The following TDRP variants were observed in gnomAD, a reference collection of about 807,000 sequenced individuals.
The protein encoded by TDRP is testis development related protein.
Under a neutral mutation model 10.5 loss-of-function variants are expected in TDRP, and 12 were observed. That is an observed-to-expected ratio of 1.15 (90% CI 0.73 to 1.86). The LOEUF (loss-of-function observed/expected upper bound fraction) is 1.86. TDRP is among the 40% of genes most tolerant of loss of function. The pLI is 0.00. For missense variants in TDRP, 353 were observed against 229.2 expected (o/e 1.54, Z -3.49); for synonymous variants, 139 against 95.4 (o/e 1.46, Z -2.67).
At chr8:493,756 C>G (rs1801047170) in intron 2 of TDRP, among the ~76,000 whole-genome samples, 2 of 148,320 alleles carry the variant, frequency 1.3e-5, no homozygotes, top group Admixed American at 1.4e-4. Flanking sequence ...GTATTTTTAA[C>G]AGTGTTTTTT....
At chr8:512,530 A>G (rs1452320636) in intron 1 of TDRP, among the ~76,000 whole-genome samples, 1 of 152,154 alleles carries the variant, frequency 6.6e-6, no homozygotes, top group Non-Finnish European at 1.5e-5. Context: ...AAGAGGAGAC[A>G]TTTCTATTGA....
rs1182285967 is a variant in TDRP at position 491,390 on chromosome 8, C to T, written c.*1009G>A. On this transcript the variant is annotated 3_prime_UTR_variant, in exon 3 of 3. Coordinates refer to ENST00000324079, the MANE Select transcript of TDRP (RefSeq NM_001384899.1). ...AGGGACGCATAACTGGCACCTGATA[C>T]TGTGCAGGATCACATTGTCAAGGAC... 3 of 395,490 alleles carry T rather than the reference C, an allele frequency of 7.6e-6. No homozygotes were observed. The highest frequency in any genetic ancestry group is 6.2e-5 in the African/African-American group (3 of 48,522). The allele number at this position is 395,490 out of a possible 1,614,324, so 24.5% of individuals were successfully genotyped here.
intron 2 of TDRP, among the ~76,000 whole-genome samples, chr8:493,251 G>C (rs1801029753): frequency 1.3e-5 from 2 of 152,236 alleles, no homozygotes; most frequent in East Asian, 3.8e-4. Flanking sequence ...GCGACAGCTA[G>C]GGAAGAAAGA....
In TDRP at chr8:491,429, A is replaced by T; in HGVS notation, c.*970T>A. ...ATTGTCAAGGACAGTAAGCAGACAG[A>T]AAAAGAACGCGAGAGATGCTCTCAA... On this transcript the variant is annotated 3_prime_UTR_variant, in exon 3 of 3. Coordinates refer to ENST00000324079, the MANE Select transcript of TDRP (RefSeq NM_001384899.1). The T allele has an allele frequency of 1.9e-6, 1 of 528,458 alleles. No homozygotes were observed. Among genetic ancestry groups the T allele is most frequent in the Non-Finnish European group, 3.1e-6 (1 of 320,618 alleles). The allele number at this position is 528,458 out of a possible 1,614,324, so 32.7% of individuals were successfully genotyped here. A position where few individuals can be genotyped will look rare whatever the true frequency, so the allele number is the denominator to read the frequency against.
chr8:525,577 C>G (rs1455637440), intron 1 of TDRP, among the ~76,000 whole-genome samples: 1 of 152,112 alleles, frequency 6.6e-6, no homozygotes, highest in Admixed American at 6.5e-5. Flanking sequence ...AGAGTTTTTA[C>G]TAGTTTTTGC....
At chr8:536,639 C>T (rs966853757) in intron 1 of TDRP, among the ~76,000 whole-genome samples, 1 of 152,152 alleles carries the variant, frequency 6.6e-6, no homozygotes, top group Admixed American at 6.5e-5. Context: ...GGATCTCTAA[C>T]AAATTTTATA....
chr8:544,888 G>A (rs1802598345), upstream of TDRP: 1 of 582,826 alleles, frequency 1.7e-6, no homozygotes, highest in Non-Finnish European at 2.5e-6. Context: ...GCTAGGCGGG[G>A]GCGGGGCACC....
In TDRP at chr8:492,733, CG is replaced by C; in HGVS notation, c.223del (p.Arg75AspfsTer2). 6.2e-7 allele frequency: 1 copy of C among 1,610,728 alleles called. No individual in the cohort carries two copies. Among genetic ancestry groups the C allele is most frequent in the Non-Finnish European group, 8.5e-7 (1 of 1,178,144 alleles). On this transcript the variant is annotated frameshift_variant, in exon 3 of 3. Transcript: ENST00000324079. LOFTEE classifies it low-confidence loss of function (END_TRUNC). The stretch of plus-strand genomic sequence containing the variant: ...CTCTGCCTTCAACTCTTCTTTTAAT[CG>C]TAAGTTAGTTCTATAGGAGATGAAA... ...KSPKSKGTNL[R>X]LKEELKAEKK...
At chr8:508,769 C>T (rs1049418523) in intron 1 of TDRP, among the ~76,000 whole-genome samples, 2 of 152,150 alleles carry the variant, frequency 1.3e-5, no homozygotes, top group Non-Finnish European at 2.9e-5. Flanking sequence ...CAACAGTTCC[C>T]CAAAGTCTTA....
chr8:523,667 C>T (rs1199602654), intron 1 of TDRP, among the ~76,000 whole-genome samples: 1 of 152,128 alleles, frequency 6.6e-6, no homozygotes, highest in Non-Finnish European at 1.5e-5. Context: ...GCAATACTCT[C>T]CGAGGGCCTG....
intron 1 of TDRP, among the ~76,000 whole-genome samples, chr8:496,417 A>G (rs1312328987): frequency 2.0e-5 from 3 of 152,220 alleles, no homozygotes; most frequent in Non-Finnish European, 4.4e-5. Context: ...TGTGCAATGC[A>G]ATCTCCACCT....
intron 1 of TDRP, among the ~76,000 whole-genome samples, chr8:516,628 G>A (rs569899924): frequency 1.3e-5 from 2 of 152,296 alleles, no homozygotes; most frequent in African/African-American, 4.8e-5. Context: ...AGGACATGGA[G>A]CAGCAGGAAC....
intron 1 of TDRP, among the ~76,000 whole-genome samples, chr8:531,351 C>A (rs1464470395): frequency 6.6e-6 from 1 of 152,170 alleles, no homozygotes; most frequent in Non-Finnish European, 1.5e-5. Context: ...GTGCTGACAT[C>A]AGACATTTTA....
chr8:527,182 A>T (rs1563129123), intron 1 of TDRP, among the ~76,000 whole-genome samples: 1 of 152,194 alleles, frequency 6.6e-6, no homozygotes, highest in African/African-American at 2.4e-5. Context: ...TACAAAAAAA[A>T]TTAAATACCT....
intron 1 of TDRP, among the ~76,000 whole-genome samples, chr8:536,305 T>A (rs1032483955): frequency 1.3e-5 from 2 of 152,172 alleles, no homozygotes; most frequent in African/African-American, 4.8e-5. Flanking sequence ...CTGATCTGAG[T>A]CTGGGAGAAG....
chr8:499,703 A>T (rs1023586206), intron 1 of TDRP, among the ~76,000 whole-genome samples: 3 of 152,218 alleles, frequency 2.0e-5, no homozygotes, highest in African/African-American at 7.2e-5. Flanking sequence ...TCAAAACCAG[A>T]TATCTCGGTC....
intron 1 of TDRP, among the ~76,000 whole-genome samples, chr8:520,906 T>A (rs1052721871): frequency 6.6e-6 from 1 of 152,166 alleles, no homozygotes; most frequent in African/African-American, 2.4e-5. Flanking sequence ...TACTTTCTTG[T>A]TTCCTTTGTT....
intron 1 of TDRP, among the ~76,000 whole-genome samples, chr8:499,658 CTCCACTCA>C (rs1246607100): frequency 6.6e-6 from 1 of 152,252 alleles, no homozygotes; most frequent in Non-Finnish European, 1.5e-5. Flanking sequence ...GAGGCCACTC[CTCCACTCA>C]TCCACTATGC....
Position 525,669 on chromosome 8 carries a change from C to T in TDRP, c.108+18981G>A, listed in dbSNP as rs142426569. 4.5e-3 allele frequency among the ~76,000 whole-genome samples: 677 copies of T among 151,390 alleles called. 8 individuals are homozygous for T. Among genetic ancestry groups the T allele is most frequent in the Admixed American group, 8.9e-3 (135 of 15,196 alleles). On this transcript the variant is annotated intron_variant, in intron 1 of 2. Coordinates refer to ENST00000324079, the MANE Select transcript of TDRP (RefSeq NM_001384899.1). ...TTATTTGCAAGCCTCATGGTAACCTCAAATCAAAAAACATACAATGGATAC... is the reference window on the plus strand; with the variant it reads ...TTATTTGCAAGCCTCATGGTAACCTTAAATCAAAAAACATACAATGGATAC...
Sources: gnomAD v4.1 joint callset for allele counts (sites outside exome capture counted in the v4.1 genomes callset) on GRCh38, gnomAD v4.1.1 for gene constraint, MANE v1.5 for transcripts, NCBI Gene and HGNC (gene_info 2026-07-23, HGNC 2026-07-21) for gene names.